GPM6A: variants seen among roughly 807,000 people sequenced by gnomAD.
GPM6A encodes the protein neuronal membrane glycoprotein M6-a.
GPM6A carries 7 observed loss-of-function variants against 32.1 expected under a neutral mutation model. That is an observed-to-expected ratio of 0.22 (90% confidence interval 0.12 to 0.41). The LOEUF (loss-of-function observed/expected upper bound fraction) is 0.41. Ranked by LOEUF, GPM6A falls within the 10% of genes least tolerant of loss-of-function variation. GPM6A has a pLI of 1.00. For missense variants in GPM6A, 235 were observed against 347.2 expected (o/e 0.68, Z 2.57); for synonymous variants, 130 against 123.4 (o/e 1.05, Z -0.35).
intron 1 of GPM6A, among the ~76,000 whole-genome samples, chr4:175,930,425 T>TGGGG (rs138781978): frequency 1.7e-3 from 212 of 124,916 alleles, no homozygotes; most frequent in Non-Finnish European, 2.6e-3. Context: ...ATCTGTTTTT[T>TGGGG]GGGGGGGGGT....
intron 1 of GPM6A, among the ~76,000 whole-genome samples, chr4:175,740,570 A>G (rs1731849732): frequency 6.6e-6 from 1 of 152,062 alleles, no homozygotes; most frequent in African/African-American, 2.4e-5. Flanking sequence ...TTAATTGAAT[A>G]TATCTTAATA....
chr4:175,928,331 G>C (rs954883977), intron 1 of GPM6A, among the ~76,000 whole-genome samples: 1 of 152,178 alleles, frequency 6.6e-6, no homozygotes, highest in African/African-American at 2.4e-5. Context: ...CATTAGTCTG[G>C]AAAATTTCCT....
intron 1 of GPM6A, chr4:175,787,335 C>A (rs1487481244): frequency 6.5e-7 from 1 of 1,528,376 alleles, no homozygotes; most frequent in Non-Finnish European, 8.8e-7. Context: ...CTTGACCTTA[C>A]CTTCCAGGTC....
At chr4:175,905,844 T>C (rs772321711) in intron 1 of GPM6A, among the ~76,000 whole-genome samples, 1 of 152,148 alleles carries the variant, frequency 6.6e-6, no homozygotes, top group Non-Finnish European at 1.5e-5. Context: ...ATGCCTTTTG[T>C]CCTTTCGTCA....
intron 1 of GPM6A, among the ~76,000 whole-genome samples, chr4:175,912,304 T>G (rs965222039): frequency 2.0e-5 from 3 of 152,164 alleles, no homozygotes; most frequent in African/African-American, 7.2e-5. Context: ...TACTCTTTTA[T>G]GTAAAGTAGT....
chr4:175,701,754 G>A lies in GPM6A; in HGVS notation c.51C>T (p.Cys17=), dbSNP rs751531608. Residue 17 remains cysteine (C), a synonymous_variant, in exon 2 of 7, where the codon TGC becomes TGT. Coordinates refer to ENST00000393658, the MANE Select transcript of GPM6A (RefSeq NM_201591.3). ...EGQTQKGCFE[C]CIKCLGGIPY... ...GAATGCCCCCCAGGCATTTGATACA[G>A]CATTCAAAACACCCTGTAGAAGATC... 3 of 1,609,788 alleles carry A rather than the reference G, an allele frequency of 1.9e-6. No individual in the cohort carries two copies. The highest frequency in any genetic ancestry group is 2.2e-5 in the East Asian group (1 of 44,840).
chr4:175,710,667 A>G (rs778836125), intron 1 of GPM6A, among the ~76,000 whole-genome samples: 2 of 152,204 alleles, frequency 1.3e-5, no homozygotes, highest in Non-Finnish European at 2.9e-5. Context: ...ACCAACTCAC[A>G]GGAGAGCTGG....
At chr4:175,836,769 T>C (rs562248952) in intron 1 of GPM6A, among the ~76,000 whole-genome samples, 2 of 152,278 alleles carry the variant, frequency 1.3e-5, no homozygotes, top group South Asian at 2.1e-4. Context: ...GGGTATATTA[T>C]GTCCAGCTTT....
intron 1 of GPM6A, among the ~76,000 whole-genome samples, chr4:175,934,003 C>T (rs1337137878): frequency 6.6e-6 from 1 of 152,142 alleles, no homozygotes; most frequent in Non-Finnish European, 1.5e-5. Flanking sequence ...ATTTCAAAAG[C>T]TTTATGCGGA....
intron 1 of GPM6A, among the ~76,000 whole-genome samples, chr4:175,749,390 G>A (rs1732230873): frequency 6.6e-6 from 1 of 152,054 alleles, no homozygotes; most frequent in South Asian, 2.1e-4. Context: ...TTGGAAAAAT[G>A]GTGTTAACAG....
intron 1 of GPM6A, among the ~76,000 whole-genome samples, chr4:175,983,017 A>T (rs952613041): frequency 2.6e-5 from 4 of 152,182 alleles, no homozygotes; most frequent in African/African-American, 9.6e-5. Flanking sequence ...TGGGAGTCAT[A>T]GAACATAACG....
chr4:175,898,226 T>A (rs1039904446), intron 1 of GPM6A, among the ~76,000 whole-genome samples: 16 of 152,196 alleles, frequency 1.1e-4, no homozygotes, highest in Admixed American at 9.2e-4. Flanking sequence ...TAAATTTGAT[T>A]ATGTCATTCC....
intron 1 of GPM6A, among the ~76,000 whole-genome samples, chr4:175,862,809 T>A (rs1016484160): frequency 6.6e-6 from 1 of 152,168 alleles, no homozygotes; most frequent in African/African-American, 2.4e-5. Context: ...GAATATTTCA[T>A]GCAAATTTTG....
At chr4:175,749,140 T>C (rs2111184056) in intron 1 of GPM6A, among the ~76,000 whole-genome samples, 1 of 152,216 alleles carries the variant, frequency 6.6e-6, no homozygotes, top group African/African-American at 2.4e-5. Context: ...TATATGAGTA[T>C]AGTTTATGGC....
chr4:175,955,795 C>T (rs2126387830), intron 1 of GPM6A, among the ~76,000 whole-genome samples: 2 of 152,268 alleles, frequency 1.3e-5, no homozygotes, highest in South Asian at 4.2e-4. Flanking sequence ...CATTCCTGAA[C>T]ATCTAGATCC....
At position 175,634,990 on chromosome 4, in the gene GPM6A, T is replaced by C. The variant is rs760372018; in HGVS notation, c.752A>G (p.Tyr251Cys). 2 of 1,613,806 alleles carry C rather than the reference T, an allele frequency of 1.2e-6. No individual in the cohort carries two copies. The highest frequency in any genetic ancestry group is 1.1e-5 in the South Asian group (1 of 91,074). Residue 251 changes from tyrosine to cysteine, a missense_variant, in exon 7 of 7, where the codon TAT (tyrosine) becomes TGT (cysteine). Tyr to Cys is a radical substitution (Grantham distance 194). This residue lies in a region of GPM6A where 27 missense variants were observed against 59.4 expected (regional missense o/e 0.45). Transcript: ENST00000393658. The part of the protein sequence containing the change: ...YVKDACRMQK[Y>C]EDIKSKEEQE... Reference sequence around the variant, plus strand: ...CTCTTCCTTCGACTTGATGTCTTCATACTTCTGCATCCGGCAGGCGTCTTT... The same window carrying C: ...CTCTTCCTTCGACTTGATGTCTTCACACTTCTGCATCCGGCAGGCGTCTTT...
At chr4:175,791,853 A>G (rs1010783362) in intron 1 of GPM6A, among the ~76,000 whole-genome samples, 2 of 152,146 alleles carry the variant, frequency 1.3e-5, no homozygotes, top group Non-Finnish European at 2.9e-5. Flanking sequence ...CTGAAAATTG[A>G]CATATTGTCC....
chr4:175,921,926 G>C (rs1738680756), intron 1 of GPM6A, among the ~76,000 whole-genome samples: 1 of 152,184 alleles, frequency 6.6e-6, no homozygotes, highest in Non-Finnish European at 1.5e-5. Context: ...CATTTCTCTT[G>C]GGCAATAATC....
chr4:175,885,642 G>A (rs1184991331), intron 1 of GPM6A, among the ~76,000 whole-genome samples: 1 of 151,974 alleles, frequency 6.6e-6, no homozygotes. Context: ...AAAAAGAAAA[G>A]AATTACTTAA....
Sources: allele counts gnomAD v4.1 joint callset (sites outside exome capture counted in the v4.1 genomes callset), GRCh38; gene constraint gnomAD v4.1.1; regional missense constraint gnomAD v4.1.1; transcripts MANE v1.5; gene names NCBI Gene and HGNC (gene_info 2026-07-23, HGNC 2026-07-21).